Variants in PPP2R2C observed in about 807,000 individuals in gnomAD.
The protein encoded by PPP2R2C is protein phosphatase 2, regulatory subunit B, gamma.
PPP2R2C carries 10 observed loss-of-function variants against 45.3 expected under a neutral mutation model. The ratio of observed to expected loss-of-function variants is 0.22; its 90% CI spans 0.14 to 0.37. The LOEUF is 0.37. Ranked by LOEUF, PPP2R2C falls within the 10% of genes least tolerant of loss-of-function variation. The pLI is 1.00. For synonymous variants in PPP2R2C, 257 were observed against 245.4 expected (o/e 1.05, Z -0.44); for missense variants, 308 against 619.7 (o/e 0.50, Z 5.34).
chr4:6,424,628 G>T (rs2109398679), intron 1 of PPP2R2C, among the ~76,000 whole-genome samples: 1 of 152,342 alleles, frequency 6.6e-6, no homozygotes, highest in African/African-American at 2.4e-5. Flanking sequence ...GCCTCCTCCA[G>T]AGGCGGCTGT....
intron 1 of PPP2R2C, among the ~76,000 whole-genome samples, chr4:6,463,128 A>G (rs2108759883): frequency 6.6e-6 from 1 of 152,382 alleles, no homozygotes; most frequent in East Asian, 1.9e-4. Flanking sequence ...CATGATCATG[A>G]AAGAGCTCCC....
At chr4:6,473,167 GCCTC>G (rs1183537475), upstream of PPP2R2C, among the ~76,000 whole-genome samples, 1 of 152,058 alleles carries the variant, frequency 6.6e-6, no homozygotes, top group African/African-American at 2.4e-5. Flanking sequence ...GGGTGATTGG[GCCTC>G]CCCCAGGCAG....
chr4:6,351,900 A>G (rs1712598701), intron 5 of PPP2R2C, among the ~76,000 whole-genome samples: 1 of 152,132 alleles, frequency 6.6e-6, no homozygotes, highest in Non-Finnish European at 1.5e-5. Flanking sequence ...CATAGGACCT[A>G]CCCGGGCCTG....
At chr4:6,348,065 C>T in intron 5 of PPP2R2C, 55 bp from the exon 6 acceptor site, 1 of 1,586,464 alleles carries the variant, frequency 6.3e-7, no homozygotes, top group South Asian at 1.1e-5. Flanking sequence ...AATGCTCCGC[C>T]TTCCCGGAGG....
rs201893469 is a variant in PPP2R2C at position 6,323,593 on chromosome 4, G to A, written c.1053C>T (p.Ser351=). 2.3e-4 allele frequency: 356 copies of A among 1,547,806 alleles called. 3 individuals carry two copies. In the South Asian group the frequency reaches 3.9e-3, roughly 17 times the overall value. The change falls in exon 9 of 9, where the codon AGC becomes AGT. Residue 351 remains serine, a splice_region_variant and synonymous_variant. Transcript: ENST00000382599. ...KFECAWNGSD[S]VIMTGAYNNF... ...TGTTGTAGGCCCCGGTCATGATGAC[G>A]CTGGTGGGAGAAGGAGAGGCATCAG... is the stretch of plus-strand genomic sequence containing the variant.
intron 1 of PPP2R2C, among the ~76,000 whole-genome samples, chr4:6,447,581 C>T (rs1720496560): frequency 6.8e-6 from 1 of 147,506 alleles, no homozygotes; most frequent in African/African-American, 2.5e-5. Context: ...TTGTCCTCCT[C>T]CTTCCCCCTG....
rs1714109592 is a variant in PPP2R2C, at chr4:6,364,595, G to A, written c.625+7928C>T. 6.6e-6 allele frequency among the ~76,000 whole-genome samples: 1 copy of A among 152,030 alleles called. No individual in the cohort carries two copies. The highest frequency in any genetic ancestry group is 2.4e-5 in the African/African-American group (1 of 41,356). On this transcript the variant is annotated intron_variant, in intron 5 of 8. Transcript: ENST00000382599. The surrounding 1 kb of genome is among the most constrained non-coding windows in gnomAD (Gnocchi z 5.3). ...GTGATTTGCCAGGCACTGCCCTAAA[G>A]GCTTCCCAGATGTCATCGTAGCACC...
At chr4:6,561,611 G>A (rs1268635114) in intron 1 of PPP2R2C, among the ~76,000 whole-genome samples, 6 of 152,092 alleles carry the variant, frequency 3.9e-5, no homozygotes, top group Admixed American at 1.3e-4. Context: ...CTACACACAC[G>A]GAGAGAGACA....
intron 2 of PPP2R2C, among the ~76,000 whole-genome samples, chr4:6,526,858 G>A (rs1724224187): frequency 6.6e-6 from 1 of 152,210 alleles, no homozygotes. Flanking sequence ...GCCTCATTAA[G>A]TGCAATCAGG....
chr4:6,358,000 T>C (rs1023410034), intron 5 of PPP2R2C, among the ~76,000 whole-genome samples: 10 of 152,174 alleles, frequency 6.6e-5, no homozygotes, highest in South Asian at 6.2e-4. Context: ...AAAATTCATA[T>C]GGAACCAAAA....
At chr4:6,546,245 C>T (rs1258952891) in intron 1 of PPP2R2C, among the ~76,000 whole-genome samples, 6 of 152,252 alleles carry the variant, frequency 3.9e-5, no homozygotes, top group East Asian at 3.9e-4. Flanking sequence ...AGAGTCAAAC[C>T]GGTGATCACG....
chr4:6,328,934 A>T lies in PPP2R2C; in HGVS notation c.1052+328T>A, dbSNP rs1732173593. Among the ~76,000 whole-genome samples the T allele has an allele frequency of 1.3e-5, 2 of 152,186 alleles. No individual in the cohort carries two copies. Among genetic ancestry groups the T allele is most frequent in the South Asian group, 4.1e-4 (2 of 4,828 alleles). On this transcript the variant is annotated intron_variant, in intron 8 of 8. Coordinates refer to ENST00000382599, the MANE Select transcript of PPP2R2C (RefSeq NM_020416.4). This position sits in a 1 kb window ranked among gnomAD's most constrained non-coding sequence, Gnocchi z 4.4. ...TGATGGTGACCGGGTGCTGGGCTAT[A>T]GCCCTCGCCCCCGACAAGCTGGGAG...
intron 1 of PPP2R2C, among the ~76,000 whole-genome samples, chr4:6,401,508 C>T (rs1158116725): frequency 6.6e-6 from 1 of 151,986 alleles, no homozygotes; most frequent in Non-Finnish European, 1.5e-5. Flanking sequence ...GCTATTCAGC[C>T]TTCCAGAGAC....
chr4:6,468,082 C>T (rs1341331210), intron 1 of PPP2R2C, among the ~76,000 whole-genome samples: 3 of 152,168 alleles, frequency 2.0e-5, no homozygotes, highest in African/African-American at 4.8e-5. Flanking sequence ...TATGTGTTCT[C>T]CTTGGAAGAA....
chr4:6,443,349 C>T (rs1337604337), intron 1 of PPP2R2C, among the ~76,000 whole-genome samples: 2 of 152,224 alleles, frequency 1.3e-5, no homozygotes, highest in Admixed American at 6.5e-5. Flanking sequence ...CTAGGCAAAG[C>T]GCACTTTAGG....
intron 1 of PPP2R2C, among the ~76,000 whole-genome samples, chr4:6,562,152 G>A (rs1487699196): frequency 6.6e-6 from 1 of 152,192 alleles, no homozygotes; most frequent in East Asian, 1.9e-4. Flanking sequence ...AGGCGACCAG[G>A]GCGTGGTCAG....
At chr4:6,387,793 G>C (rs1716322702) in intron 1 of PPP2R2C, among the ~76,000 whole-genome samples, 1 of 142,236 alleles carries the variant, frequency 7.0e-6, no homozygotes, top group Non-Finnish European at 1.5e-5. Flanking sequence ...TCCAGCCTGG[G>C]CGACAACAGT....
intron 1 of PPP2R2C, among the ~76,000 whole-genome samples, chr4:6,462,948 T>C (rs1490747585): frequency 2.0e-5 from 3 of 152,188 alleles, no homozygotes; most frequent in African/African-American, 7.2e-5. Context: ...CAGCAGTCCC[T>C]TCCACAGAGT....
At chr4:6,363,031 C>T (rs192256241) in intron 5 of PPP2R2C, among the ~76,000 whole-genome samples, 1 of 152,288 alleles carries the variant, frequency 6.6e-6, no homozygotes, top group African/African-American at 2.4e-5. Flanking sequence ...CTCAGAACAC[C>T]GTGTGACACA....
Sources: gnomAD v4.1 joint callset for allele counts (sites outside exome capture counted in the v4.1 genomes callset) on GRCh38, gnomAD v4.1.1 for gene constraint, Gnocchi (gnomAD v3.1) non-coding constraint, MANE v1.5 for transcripts, NCBI Gene and HGNC (gene_info 2026-07-23, HGNC 2026-07-21) for gene names.